The following ASIC2 variants were observed in gnomAD, a reference collection of about 807,000 sequenced individuals.
The protein encoded by ASIC2 is acid sensing ion channel subunit 2.
A neutral mutation model predicts 57.3 loss-of-function variants in ASIC2; 25 were observed. The ratio of observed to expected loss-of-function variants is 0.44; its 90% CI spans 0.32 to 0.61. The LOEUF is 0.61. Among genes scored for constraint, ASIC2 ranks in the 20% least tolerant of loss-of-function variants. The pLI is 0.06. For missense variants in ASIC2, 641 were observed against 738.1 expected (o/e 0.87, Z 1.52); for synonymous variants, 319 against 307.5 (o/e 1.04, Z -0.39).
intron 1 of ASIC2, among the ~76,000 whole-genome samples, chr17:34,114,728 A>G (rs986493095): frequency 1.3e-5 from 2 of 152,286 alleles, no homozygotes; most frequent in South Asian, 4.1e-4. Context: ...GGTTCAGCCT[A>G]TGATGCAAAG....
chr17:34,056,701 C>A (rs1328504111), intron 1 of ASIC2, among the ~76,000 whole-genome samples: 1 of 152,176 alleles, frequency 6.6e-6, no homozygotes, highest in Non-Finnish European at 1.5e-5. Context: ...ATAGGTCAAT[C>A]TATATTATTT....
At chr17:33,061,463 T>G (rs2092020235) in intron 3 of ASIC2, among the ~76,000 whole-genome samples, 1 of 152,192 alleles carries the variant, frequency 6.6e-6, no homozygotes, top group African/African-American at 2.4e-5. Flanking sequence ...CTGGATTACG[T>G]TTATTGATTT....
intron 1 of ASIC2, among the ~76,000 whole-genome samples, chr17:33,567,864 T>C (rs1268769208): frequency 6.6e-6 from 1 of 152,040 alleles, no homozygotes; most frequent in Non-Finnish European, 1.5e-5. Context: ...GCATTTTTTT[T>C]TTGGTCTCTC....
intron 1 of ASIC2, among the ~76,000 whole-genome samples, chr17:33,730,806 G>A (rs1463895070): frequency 6.6e-6 from 1 of 152,188 alleles, no homozygotes; most frequent in African/African-American, 2.4e-5. Flanking sequence ...TGTGGTTACT[G>A]TTGATTGAGG....
intron 1 of ASIC2, among the ~76,000 whole-genome samples, chr17:33,923,953 TC>T (rs1915767067): frequency 1.3e-5 from 2 of 152,270 alleles, no homozygotes; most frequent in East Asian, 3.9e-4. Flanking sequence ...AGCCCCGGAC[TC>T]ACAGGCAGAA....
intron 1 of ASIC2, among the ~76,000 whole-genome samples, chr17:33,127,346 G>GA (rs2092328041): frequency 6.6e-6 from 1 of 152,120 alleles, no homozygotes; most frequent in Admixed American, 6.5e-5. Context: ...GGGACAGCAA[G>GA]AAAAAATATT....
At chr17:33,749,743 C>G (rs9911341) in intron 1 of ASIC2, among the ~76,000 whole-genome samples, 1 of 152,118 alleles carries the variant, frequency 6.6e-6, no homozygotes, top group African/African-American at 2.4e-5. Flanking sequence ...TCACCGTCAG[C>G]CCTGCCTGCT....
At chr17:33,968,227 C>T (rs928148898) in intron 1 of ASIC2, among the ~76,000 whole-genome samples, 2 of 152,166 alleles carry the variant, frequency 1.3e-5, no homozygotes, top group Non-Finnish European at 2.9e-5. Context: ...TGACTTCAAG[C>T]CCAGTGCCCT....
chr17:34,016,591 T>C (rs1330941460), intron 1 of ASIC2, among the ~76,000 whole-genome samples: 4 of 152,144 alleles, frequency 2.6e-5, no homozygotes, highest in African/African-American at 7.2e-5. Flanking sequence ...TTTAATACAG[T>C]TGCTATATAT....
chr17:33,863,670 C>T (rs954710477), intron 1 of ASIC2, among the ~76,000 whole-genome samples: 7 of 152,204 alleles, frequency 4.6e-5, no homozygotes, highest in African/African-American at 1.7e-4. Flanking sequence ...TAGTCAGGAA[C>T]TTATTTCCTG....
At chr17:34,139,079 T>C (rs1395241788) in intron 1 of ASIC2, among the ~76,000 whole-genome samples, 2 of 152,200 alleles carry the variant, frequency 1.3e-5, no homozygotes, top group Non-Finnish European at 1.5e-5. Context: ...CAGGTTCAAA[T>C]TTTAGCACAA....
At chr17:33,481,767 A>G (rs184656233) in intron 1 of ASIC2, among the ~76,000 whole-genome samples, 1 of 152,292 alleles carries the variant, frequency 6.6e-6, no homozygotes, top group East Asian at 1.9e-4. Flanking sequence ...CTTGGGCTAG[A>G]GTTCTGTGCC....
intron 2 of ASIC2, among the ~76,000 whole-genome samples, chr17:33,099,419 C>T (rs2092201446): frequency 6.6e-6 from 1 of 152,114 alleles, no homozygotes; most frequent in Non-Finnish European, 1.5e-5. Flanking sequence ...TGGGAAAGCA[C>T]CTTATACACT....
At chr17:33,785,537 C>T (rs1911577440) in intron 1 of ASIC2, among the ~76,000 whole-genome samples, 1 of 152,190 alleles carries the variant, frequency 6.6e-6, no homozygotes, top group Non-Finnish European at 1.5e-5. Flanking sequence ...CTTCACCTTG[C>T]TGTTGAGCCA....
intron 1 of ASIC2, among the ~76,000 whole-genome samples, chr17:33,918,123 T>C (rs1315220570): frequency 6.6e-6 from 1 of 152,240 alleles, no homozygotes; most frequent in Non-Finnish European, 1.5e-5. Flanking sequence ...ACTTTACTTA[T>C]GATGTTTCCT....
chr17:33,775,640 G>A (rs1207276473), intron 1 of ASIC2, among the ~76,000 whole-genome samples: 1 of 152,146 alleles, frequency 6.6e-6, no homozygotes, highest in Non-Finnish European at 1.5e-5. Flanking sequence ...TGTATGTGCT[G>A]TGTGAGCACA....
At chr17:33,745,040 A>G (rs1910218832) in intron 1 of ASIC2, among the ~76,000 whole-genome samples, 1 of 152,248 alleles carries the variant, frequency 6.6e-6, no homozygotes, top group Non-Finnish European at 1.5e-5. Flanking sequence ...AAAAATTAGC[A>G]GAGCCTCAGA....
chr17:33,397,684 C>G (rs1433835652), intron 1 of ASIC2, among the ~76,000 whole-genome samples: 3 of 152,082 alleles, frequency 2.0e-5, no homozygotes, highest in Non-Finnish European at 4.4e-5. Flanking sequence ...CCCTTGGAAC[C>G]CTAGAGAAAG....
chr17:34,057,419 G>T (rs950188207), intron 1 of ASIC2, among the ~76,000 whole-genome samples: 1 of 152,214 alleles, frequency 6.6e-6, no homozygotes, highest in African/African-American at 2.4e-5. Flanking sequence ...CCCAAGGAGG[G>T]TGTGATTGAG....
Sources: allele counts gnomAD v4.1 joint callset (sites outside exome capture counted in the v4.1 genomes callset), GRCh38; gene constraint gnomAD v4.1.1; transcripts MANE v1.5; gene names NCBI Gene and HGNC (gene_info 2026-07-23, HGNC 2026-07-21).